The following ECH1 variants were observed in gnomAD, a reference collection of about 807,000 sequenced individuals.
ECH1 encodes the protein delta(3,5)-Delta(2,4)-dienoyl-CoA isomerase, mitochondrial.
ECH1 carries 30 observed loss-of-function variants against 37.0 expected under a neutral mutation model. The observed-to-expected ratio is 0.81, with a 90% CI of 0.61 to 1.10. The LOEUF (loss-of-function observed/expected upper bound fraction) is 1.10, where lower values mean the gene tolerates loss of function less well. Among genes scored for constraint, ECH1 ranks in the 50% least tolerant of loss-of-function variants. The pLI is 0.00. For synonymous variants in ECH1, 178 were observed against 176.0 expected, an observed-to-expected ratio of 1.01 and a Z score of -0.09; for missense variants, 456 against 441.6, an observed-to-expected ratio of 1.03 and a Z score of -0.29.
In ECH1 at chr19:38,831,151, G is replaced by A. The variant is rs1041989175; in HGVS notation, c.276C>T (p.Cys92=). Residue 92 remains cysteine (C), a synonymous_variant, in exon 3 of 10, where the codon TGC becomes TGT. Transcript: ENST00000221418. ...CAGCGTCTCTCGAAATCTTGTTGAA[G>A]CACTCTACCATCTCTCTGTGAAGCA... is the stretch of plus-strand genomic sequence containing the variant. ...NKVFWREMVE[C]FNKISRDADC... 6 of 1,614,010 alleles carry A rather than the reference G, an allele frequency of 3.7e-6. No homozygotes were observed. In the African/African-American group the frequency reaches 4.0e-5, roughly 11 times the overall value.
chr19:38,830,873 T>C, intron 3 of ECH1: 1 of 576,026 alleles, frequency 1.7e-6, no homozygotes, highest in South Asian at 2.1e-5. Flanking sequence ...GAAGAATTGC[T>C]TGAACCCGGG....
chr19:38,816,205 G>C (rs1271970871), intron 8 of ECH1, 79 bp downstream of exon 8: 23 of 1,561,616 alleles, frequency 1.5e-5, no homozygotes, highest in South Asian at 1.1e-4. Context: ...AGAGCGAGGA[G>C]ACAAGGGGAC....
chr19:38,818,939 T>G (rs1971620440), intron 3 of ECH1, among the ~76,000 whole-genome samples: 1 of 60,662 alleles, frequency 1.6e-5, no homozygotes. Context: ...GTGTGCACTG[T>G]TCCCAACCTG....
At chr19:38,830,209 T>C (rs1366315975) in intron 3 of ECH1, among the ~76,000 whole-genome samples, 1 of 152,102 alleles carries the variant, frequency 6.6e-6, no homozygotes, top group Non-Finnish European at 1.5e-5. Context: ...ACTAAACAGT[T>C]AGTAACTGTG....
intron 3 of ECH1, among the ~76,000 whole-genome samples, chr19:38,828,596 G>C (rs1971771208): frequency 6.6e-6 from 1 of 151,510 alleles, no homozygotes; most frequent in Non-Finnish European, 1.5e-5. Flanking sequence ...GTTGAGATTA[G>C]AAGATAAGGA....
intron 3 of ECH1, among the ~76,000 whole-genome samples, chr19:38,822,371 G>A (rs575472111): frequency 1.9e-4 from 28 of 149,722 alleles, no homozygotes; most frequent in Admixed American, 1.5e-3. Context: ...CTAGCTAAGG[G>A]ATTGTAAACA....
intron 5 of ECH1, 82 bp from the exon 6 acceptor site, chr19:38,817,211 C>T: frequency 1.3e-6 from 2 of 1,548,846 alleles, no homozygotes; most frequent in Non-Finnish European, 1.7e-6. Flanking sequence ...TCTTGGGACA[C>T]AGTCTGGCCC....
chr19:38,821,827 C>A (rs569045482), intron 3 of ECH1, among the ~76,000 whole-genome samples: 1 of 152,372 alleles, frequency 6.6e-6, no homozygotes, highest in Admixed American at 6.5e-5. Flanking sequence ...AGGAGCGCCA[C>A]CCCCTGCTCG....
At position 38,831,123 on chromosome 19, in the gene ECH1, A is replaced by C. The variant is rs1971814095; in HGVS notation, c.304T>G (p.Cys102Gly). ...CFNKISRDAD[C>G]RAVVISGAGK... ...GCACCAGAGATCACCACCGCCCGAC[A>C]GTCAGCGTCTCTCGAAATCTTGTTG... Residue 102 changes from cysteine (C) to glycine (G), a missense_variant, in exon 3 of 10, where the codon TGT becomes GGT. By Grantham distance (159) the Cys-to-Gly change is radical. Coordinates refer to ENST00000221418, the MANE Select transcript of ECH1 (RefSeq NM_001398.3). 6.2e-7 allele frequency: 1 copy of C among 1,614,018 alleles called. No homozygotes were observed. Among genetic ancestry groups the C allele is most frequent in the Non-Finnish European group, 8.5e-7 (1 of 1,180,026 alleles).
At position 38,831,534 on chromosome 19, in the gene ECH1, G is replaced by A. The variant is rs370557316; in HGVS notation, c.53-18C>T. On this transcript the variant is annotated intron_variant, in intron 1 of 9. Coordinates refer to ENST00000221418, the MANE Select transcript of ECH1 (RefSeq NM_001398.3). ...TGTCAGTCCTGGGGAGAAAGGAACA[G>A]CCTTTGATGACCCCAGACTGCAAGA... is the stretch of plus-strand genomic sequence containing the variant. 2.4e-5 allele frequency: 38 copies of A among 1,606,658 alleles called. No individual in the cohort carries two copies. The African/African-American group carries it at 2.9e-4, about 12-fold the overall frequency.
chr19:38,816,469 C>G lies in ECH1; in HGVS notation c.643G>C (p.Val215Leu). Residue 215 changes from valine (V) to leucine (L), a missense_variant, in exon 7 of 10, where the codon GTC becomes CTC. Transcript: ENST00000221418. ...DVGTLQRLPK[V>L]IGNQSLVNEL... is the part of the protein sequence containing the mutation. ...TGCACCCACCTCTGGTTCCCGATGACCTTGGGCAGGCGCTGCAGTGTTCCT... is the reference window on the plus strand; with the variant it reads ...TGCACCCACCTCTGGTTCCCGATGAGCTTGGGCAGGCGCTGCAGTGTTCCT... 6.2e-7 allele frequency: 1 copy of G among 1,614,190 alleles called. No individual in the cohort carries two copies.
At position 38,817,471 on chromosome 19, in the gene ECH1, TCTC is replaced by T. The variant is rs760356228; in HGVS notation, c.451_453del (p.Glu151del). 3 of 1,613,564 alleles carry T rather than the reference TCTC, an allele frequency of 1.9e-6. No individual in the cohort carries two copies. The highest frequency in any genetic ancestry group is 1.3e-5 in the African/African-American group (1 of 74,848). On this transcript the variant is annotated inframe_deletion, in exon 4 of 10. Transcript: ENST00000221418. ...GTCACCCTCTCGATGACGTTGAAGG[TCTC>T]CTGGTATCGAGTGATGATGTCACGG...
In ECH1 at chr19:38,831,336, C is replaced by T. The variant is rs1241313590; in HGVS notation, c.233G>A (p.Arg78Lys). Residue 78 changes from arginine (R) to lysine (K), a missense_variant, in exon 2 of 10, where the codon AGG becomes AAG. Arg to Lys is a conservative substitution (Grantham distance 26). Transcript: ENST00000221418. ...CCAGAAGACCTTGTTCATGGCATTC[C>T]TCTTGTTGGGCCGGTTGAGCTGGAC... is the stretch of plus-strand genomic sequence containing the variant. ...LHVQLNRPNKRNAMNKVFWRE... is the reference protein window; with the variant it reads ...LHVQLNRPNKKNAMNKVFWRE... 3 of 1,612,848 alleles carry T rather than the reference C, an allele frequency of 1.9e-6. No homozygotes were observed. The highest frequency in any genetic ancestry group is 3.3e-5 in the Admixed American group (2 of 59,948).
At chr19:38,826,646 C>T (rs1041206261) in intron 3 of ECH1, among the ~76,000 whole-genome samples, 1 of 152,124 alleles carries the variant, frequency 6.6e-6, no homozygotes, top group Non-Finnish European at 1.5e-5. Flanking sequence ...CTCAAGGATG[C>T]CTTCTTCTGT....
intron 3 of ECH1, among the ~76,000 whole-genome samples, chr19:38,828,110 C>A (rs539550813): frequency 6.6e-6 from 1 of 152,160 alleles, no homozygotes; most frequent in Non-Finnish European, 1.5e-5. Flanking sequence ...TACCAAAACA[C>A]GAAACTCAAC....
intron 3 of ECH1, among the ~76,000 whole-genome samples, chr19:38,828,895 A>G (rs1336719900): frequency 6.7e-6 from 1 of 148,262 alleles, no homozygotes; most frequent in Non-Finnish European, 1.5e-5. Flanking sequence ...TGCTGGGATT[A>G]CAGGCGTGAG....
intron 2 of ECH1, 44 bp from the exon 3 acceptor site, chr19:38,831,210 C>A (rs1185711689): frequency 6.2e-7 from 1 of 1,611,794 alleles, no homozygotes; most frequent in Non-Finnish European, 8.5e-7. Context: ...GCGGGAATAC[C>A]CTGCCCTCAT....
chr19:38,831,055 G>T (rs1171340656), intron 3 of ECH1, 23 bp downstream of exon 3: 1 of 1,609,460 alleles, frequency 6.2e-7, no homozygotes, highest in Non-Finnish European at 8.5e-7. Flanking sequence ...AGGCTGGCAG[G>T]GTGTGTGAAG....
intron 3 of ECH1, 115 bp from the exon 4 acceptor site, chr19:38,817,690 A>G: frequency 7.0e-7 from 1 of 1,436,486 alleles, no homozygotes; most frequent in Non-Finnish European, 9.1e-7. Flanking sequence ...CAAGGCGGAA[A>G]AAAAACAACT....
Sources: gnomAD v4.1 joint callset for allele counts (sites outside exome capture counted in the v4.1 genomes callset) on GRCh38, gnomAD v4.1.1 for gene constraint, MANE v1.5 for transcripts, NCBI Gene and HGNC (gene_info 2026-07-23, HGNC 2026-07-21) for gene names.